The following SNTG1 variants were observed in gnomAD, a reference collection of about 807,000 sequenced individuals.
The protein encoded by SNTG1 is syntrophin gamma 1, also known as gamma-1-syntrophin.
Under a neutral mutation model 74.7 loss-of-function variants are expected in SNTG1, and 39 were observed. The ratio of observed to expected loss-of-function variants is 0.52; its 90% CI spans 0.40 to 0.68. SNTG1 has a LOEUF of 0.68. Among genes scored for constraint, SNTG1 ranks in the 30% least tolerant of loss-of-function variants. The pLI is 0.00. For synonymous variants in SNTG1, 254 were observed against 217.1 expected (o/e 1.17, Z -1.49); for missense variants, 685 against 609.5 (o/e 1.12, Z -1.30).
chr8:50,316,385 T>C (rs1370772099), intron 2 of SNTG1, among the ~76,000 whole-genome samples: 1 of 152,140 alleles, frequency 6.6e-6, no homozygotes, highest in Non-Finnish European at 1.5e-5. Flanking sequence ...GTACTTGAAT[T>C]TAGAACACGT....
intron 18 of SNTG1, among the ~76,000 whole-genome samples, chr8:50,785,205 T>TA (rs1213078618): frequency 4.0e-5 from 6 of 151,674 alleles, no homozygotes; most frequent in Non-Finnish European, 5.9e-5. Context: ...CAGAAATATA[T>TA]AAAAAAAGAA....
At chr8:50,705,388 T>C (rs2095440084) in intron 16 of SNTG1, among the ~76,000 whole-genome samples, 1 of 152,154 alleles carries the variant, frequency 6.6e-6, no homozygotes, top group Non-Finnish European at 1.5e-5. Context: ...TGAAAAGCAA[T>C]TACATTTTTA....
chr8:50,020,635 A>C (rs2130668670), intron 1 of SNTG1, among the ~76,000 whole-genome samples: 1 of 152,246 alleles, frequency 6.6e-6, no homozygotes, highest in East Asian at 1.9e-4. Flanking sequence ...TGATACACAC[A>C]CATCTTTTTA....
At chr8:50,390,767 C>T (rs1264856054) in intron 2 of SNTG1, among the ~76,000 whole-genome samples, 2 of 152,086 alleles carry the variant, frequency 1.3e-5, no homozygotes, top group African/African-American at 2.4e-5. Context: ...TTGTAGTTCT[C>T]CTTGAAAAGG....
chr8:50,692,435 A>C (rs998109723), intron 15 of SNTG1, among the ~76,000 whole-genome samples: 2 of 151,588 alleles, frequency 1.3e-5, no homozygotes, highest in Non-Finnish European at 2.9e-5. Flanking sequence ...TTTGGTGTGG[A>C]TGTCCTTTCT....
At chr8:50,206,379 T>C (rs2084238433) in intron 2 of SNTG1, among the ~76,000 whole-genome samples, 1 of 152,160 alleles carries the variant, frequency 6.6e-6, no homozygotes, top group African/African-American at 2.4e-5. Flanking sequence ...TGTCTGTTAT[T>C]GGTGTGTAAG....
At chr8:50,446,656 A>C (rs953681148) in intron 5 of SNTG1, among the ~76,000 whole-genome samples, 1 of 152,118 alleles carries the variant, frequency 6.6e-6, no homozygotes, top group Non-Finnish European at 1.5e-5. Context: ...CCAGCCTGTG[A>C]ACAGAGCGAG....
chr8:50,141,856 T>C (rs2081668802), intron 1 of SNTG1, among the ~76,000 whole-genome samples: 1 of 152,100 alleles, frequency 6.6e-6, no homozygotes, highest in Non-Finnish European at 1.5e-5. Context: ...TATGTATATT[T>C]ATAATTTAAT....
intron 9 of SNTG1, among the ~76,000 whole-genome samples, chr8:50,513,898 G>T (rs189235419): frequency 2.4e-4 from 36 of 152,006 alleles, no homozygotes; most frequent in South Asian, 2.1e-4. Context: ...TTCAGCTCAC[G>T]CTCAGTGCAC....
intron 1 of SNTG1, among the ~76,000 whole-genome samples, chr8:50,102,624 A>G (rs1353420288): frequency 1.1e-4 from 17 of 148,992 alleles, no homozygotes; most frequent in African/African-American, 4.3e-4. Context: ...TTAGACATGA[A>G]GTCCTTGCCC....
chr8:50,556,256 C>G (rs185809278), intron 12 of SNTG1, among the ~76,000 whole-genome samples: 4 of 152,212 alleles, frequency 2.6e-5, no homozygotes, highest in South Asian at 2.1e-4. Flanking sequence ...TGTATTGGCA[C>G]AGCTTTCAAC....
At chr8:50,628,395 C>T (rs972796384) in intron 13 of SNTG1, among the ~76,000 whole-genome samples, 1 of 151,960 alleles carries the variant, frequency 6.6e-6, no homozygotes, top group African/African-American at 2.4e-5. Context: ...GCATTTTTTT[C>T]TGTAATTGTT....
intron 1 of SNTG1, among the ~76,000 whole-genome samples, chr8:49,951,791 T>C (rs1194304329): frequency 7.3e-6 from 1 of 136,354 alleles, no homozygotes; most frequent in Non-Finnish European, 1.5e-5. Flanking sequence ...CTTAAAAGAA[T>C]TAAAAATTAT....
intron 1 of SNTG1, among the ~76,000 whole-genome samples, chr8:49,963,664 G>A (rs1202081971): frequency 1.3e-5 from 2 of 152,092 alleles, no homozygotes; most frequent in East Asian, 1.9e-4. Context: ...AACAGGTTGA[G>A]GTTTCCTTTA....
At chr8:50,149,298 G>A (rs1466811847) in intron 1 of SNTG1, among the ~76,000 whole-genome samples, 1 of 152,048 alleles carries the variant, frequency 6.6e-6, no homozygotes, top group African/African-American at 2.4e-5. Context: ...TTAGCACTTT[G>A]CAAGATGAGT....
intron 1 of SNTG1, among the ~76,000 whole-genome samples, chr8:49,930,906 T>TAACA (rs1807525071): frequency 6.6e-6 from 1 of 152,122 alleles, no homozygotes; most frequent in Admixed American, 6.6e-5. Flanking sequence ...ATATATACAT[T>TAACA]AACACATCTA....
At chr8:50,198,266 C>G (rs796526998) in intron 2 of SNTG1, among the ~76,000 whole-genome samples, 5 of 152,284 alleles carry the variant, frequency 3.3e-5, no homozygotes, top group African/African-American at 1.2e-4. Flanking sequence ...TCCGCCGGCT[C>G]TGAAGGTGGC....
chr8:50,343,536 T>C (rs2091382275), intron 2 of SNTG1, among the ~76,000 whole-genome samples: 1 of 152,074 alleles, frequency 6.6e-6, no homozygotes, highest in African/African-American at 2.4e-5. Context: ...GCCAAGCAAA[T>C]CAATCTTAAC....
chr8:50,709,013 G>T (rs2095453763), intron 17 of SNTG1, 35 bp downstream of exon 17: 1 of 1,433,240 alleles, frequency 7.0e-7, no homozygotes, highest in African/African-American at 1.4e-5. Context: ...GAAATATGCT[G>T]CAAACATTCT....
Sources: allele counts gnomAD v4.1 joint callset (sites outside exome capture counted in the v4.1 genomes callset), GRCh38; gene constraint gnomAD v4.1.1; transcripts MANE v1.5; gene names NCBI Gene and HGNC (gene_info 2026-07-23, HGNC 2026-07-21).